ASPM: variants seen among roughly 807,000 people sequenced by gnomAD.
The protein encoded by ASPM is abnormal spindle-like microcephaly-associated protein.
ASPM carries 256 observed loss-of-function variants against 366.4 expected under a neutral mutation model. The ratio of observed to expected loss-of-function variants is 0.70; its 90% confidence interval spans 0.63 to 0.77. ASPM has a LOEUF of 0.77. Among genes scored for constraint, ASPM ranks in the 30% least tolerant of loss-of-function variants. The probability of loss-of-function intolerance (pLI) is 0.00; values close to 1 mark genes in which losing one functional copy is unlikely to be tolerated. For synonymous variants in ASPM, 1,414 were observed against 1,342.9 expected, an observed-to-expected ratio of 1.05 and a Z score of -1.16; for missense variants, 4,146 against 4,090.4, an observed-to-expected ratio of 1.01 and a Z score of -0.37.
chr1:197,128,680 G>T lies in ASPM; in HGVS notation c.2761-15C>A. 1.3e-6 allele frequency: 2 copies of T among 1,580,144 alleles called. No individual in the cohort carries two copies. The highest frequency in any genetic ancestry group is 1.7e-6 in the Non-Finnish European group (2 of 1,153,730). On this transcript the variant is annotated splice_polypyrimidine_tract_variant and intron_variant, in intron 9 of 27. Coordinates refer to ENST00000367409, the MANE Select transcript of ASPM (RefSeq NM_018136.5). ...TCTTTACTAGCCTATAAAGAAATAAGTTCCAGATATTATATTCCAATATTA... is the reference window on the plus strand; with the variant it reads ...TCTTTACTAGCCTATAAAGAAATAATTTCCAGATATTATATTCCAATATTA...
chr1:197,106,868 C>T (rs888143610), intron 17 of ASPM, among the ~76,000 whole-genome samples: 1 of 152,094 alleles, frequency 6.6e-6, no homozygotes, highest in African/African-American at 2.4e-5. Context: ...TTAGGATCTA[C>T]ATTATTACAC....
At position 197,111,845 on chromosome 1, in the gene ASPM, C is replaced by T. The variant is rs118076793; in HGVS notation, c.4065+5944G>A. On this transcript the variant is annotated intron_variant, in intron 17 of 27. Transcript: ENST00000367409. ...CTCACATCAATCATAATGGCTATTA[C>T]TAAAAAGTCAAAAAGTCAGATGCTG... Among the ~76,000 whole-genome samples, 105 of 152,052 alleles carry T rather than the reference C, an allele frequency of 6.9e-4. 1 individual carries two copies. In the East Asian group the frequency reaches 0.02, roughly 29 times the overall value.
At position 197,087,402 on chromosome 1, in the gene ASPM, A is replaced by T. The variant is rs143472412; in HGVS notation, c.10162-430T>A. On this transcript the variant is annotated intron_variant, in intron 26 of 27. Coordinates refer to ENST00000367409, the MANE Select transcript of ASPM (RefSeq NM_018136.5). ...GCAGTAAACTTTTAAGCTTTGAATA[A>T]TCAAAGAAACCTCACCAAGTTTGGC... Among the ~76,000 whole-genome samples, 560 of 152,272 alleles carry T rather than the reference A, an allele frequency of 3.7e-3. 3 individuals are homozygous for T. The highest frequency in any genetic ancestry group is 0.013 in the African/African-American group (530 of 41,564).
chr1:197,088,485 A>G (rs1269804856), intron 25 of ASPM, 53 bp from the exon 26 acceptor site: 3 of 1,512,748 alleles, frequency 2.0e-6, no homozygotes, highest in African/African-American at 2.8e-5. Context: ...TACATTTACA[A>G]ACAACCCAAC....
intron 6 of ASPM, among the ~76,000 whole-genome samples, chr1:197,132,939 A>G (rs192484854): frequency 1.3e-5 from 2 of 152,224 alleles, no homozygotes; most frequent in African/African-American, 2.4e-5. Context: ...AATTTATAGA[A>G]GCACAGAGAA....
At position 197,139,319 on chromosome 1, in the gene ASPM, G is replaced by A. The variant is rs149419769; in HGVS notation, c.2026+448C>T. ...AGGATAACAGCCCATGTTTTTGGCC[G>A]GGCGCGGTGGCTCACGCCTGAAATC... On this transcript the variant is annotated intron_variant, in intron 4 of 27. Coordinates refer to ENST00000367409, the MANE Select transcript of ASPM (RefSeq NM_018136.5). The A allele has an allele frequency of 2.3e-3, 1,719 of 748,204 alleles. 24 individuals are homozygous for A. The African/African-American group carries it at 0.027, about 12-fold the overall frequency. The allele number at this position is 748,204 out of a possible 1,614,324, so 46.3% of individuals were successfully genotyped here.
rs199422131 is a variant in ASPM, at chr1:197,146,360, GC to G, written c.77del (p.Gly26AlafsTer42). On this transcript the variant is annotated frameshift_variant, in exon 1 of 28. Coordinates refer to ENST00000367409, the MANE Select transcript of ASPM (RefSeq NM_018136.5). LOFTEE classifies it high-confidence loss of function. Reference sequence around the variant, plus strand: ...AAGACGCCTCCTCCTCGGCCGCGGGGCCCCGCAGCCCCGCGGGCGGCCTCCG... The same window carrying G: ...AAGACGCCTCCTCCTCGGCCGCGGGGCCCGCAGCCCCGCGGGCGGCCTCCG... ...TERRPPAGLR[G>X]PAAEEEASSP... 12 of 1,607,952 alleles carry G rather than the reference GC, an allele frequency of 7.5e-6. No homozygotes were observed. Among genetic ancestry groups the G allele is most frequent in the Admixed American group, 1.7e-5 (1 of 59,586 alleles).
Position 197,132,354 on chromosome 1 carries a change from T to A in ASPM, c.2420-2A>T, listed in dbSNP as rs1557960450. ...AATTCAGGACTTTCTGACGTTCTCC[T>A]GAAATGCATGTCAAAGGCAAATAAG... On this transcript the variant is annotated splice_acceptor_variant, in intron 6 of 27. Transcript: ENST00000367409. LOFTEE classifies it high-confidence loss of function. 6.2e-7 allele frequency: 1 copy of A among 1,612,932 alleles called. No individual in the cohort carries two copies. The highest frequency in any genetic ancestry group is 8.5e-7 in the Non-Finnish European group (1 of 1,179,256).
chr1:197,101,775 C>A lies in ASPM; in HGVS notation c.7476G>T (p.Arg2492Ser). The A allele has an allele frequency of 6.2e-7, 1 of 1,612,584 alleles. No individual in the cohort carries two copies. Among genetic ancestry groups the A allele is most frequent in the Non-Finnish European group, 8.5e-7 (1 of 1,179,252 alleles). The change falls in exon 18 of 28, where the codon AGG (arginine) becomes AGT (serine). Residue 2492 changes from arginine (R) to serine (S), a missense_variant. Arg to Ser is a moderately radical substitution (Grantham distance 110). Around this residue, in one of 3 missense-constraint regions of ASPM, gnomAD observed 3,624 missense variants for 3,591.7 expected, o/e 1.01. Transcript: ENST00000367409. ...GAAATGTAATATATGTTCTGTACAT[C>A]CTGAAAGTAGCCTGAATGAGAACTG... The part of the protein sequence containing the change: ...RAAVLIQATF[R>S]MYRTYITFQT...
At chr1:197,122,638 G>T (rs1181953936) in intron 13 of ASPM, 43 bp from the exon 14 acceptor site, 1 of 1,497,774 alleles carries the variant, frequency 6.7e-7, no homozygotes, top group African/African-American at 1.4e-5. Flanking sequence ...CATTTAGAAA[G>T]TAGTATAGAC....
chr1:197,092,578 A>C (rs1377616961), intron 21 of ASPM, among the ~76,000 whole-genome samples: 3 of 151,938 alleles, frequency 2.0e-5, no homozygotes, highest in Non-Finnish European at 4.4e-5. Flanking sequence ...ACTTCAAATC[A>C]AATTGTTTTG....
intron 7 of ASPM, among the ~76,000 whole-genome samples, chr1:197,131,643 C>T (rs1658257602): frequency 6.6e-6 from 1 of 151,104 alleles, no homozygotes; most frequent in Non-Finnish European, 1.5e-5. Context: ...ACTGCAAGCT[C>T]CACCTCCCGG....
chr1:197,124,407 A>G, intron 12 of ASPM, 76 bp from the exon 13 acceptor site: 1 of 1,058,138 alleles, frequency 9.5e-7, no homozygotes, highest in Non-Finnish European at 1.4e-6. Flanking sequence ...AATCAAAGTA[A>G]CTGTCTTCTA....
chr1:197,145,523 T>C (rs918150099), intron 1 of ASPM, among the ~76,000 whole-genome samples: 4 of 151,822 alleles, frequency 2.6e-5, no homozygotes, highest in Non-Finnish European at 5.9e-5. Context: ...GCTCACTATT[T>C]CACCGGAAAA....
intron 16 of ASPM, among the ~76,000 whole-genome samples, chr1:197,119,230 G>T (rs1478600045): frequency 6.6e-6 from 1 of 152,140 alleles, no homozygotes; most frequent in Non-Finnish European, 1.5e-5. Context: ...GGGGAATTAT[G>T]TATATAACAA....
intron 4 of ASPM, chr1:197,138,778 A>G: frequency 1.4e-6 from 1 of 734,102 alleles, no homozygotes; most frequent in South Asian, 1.4e-5. Flanking sequence ...CTTTCTTTGT[A>G]TTGGTGCTCA....
chr1:197,103,420 T>G lies in ASPM; in HGVS notation c.5831A>C (p.Tyr1944Ser), dbSNP rs1657274202. The change falls in exon 18 of 28, where the codon TAT (tyrosine) becomes TCT (serine). Residue 1944 changes from tyrosine to serine, a missense_variant. By Grantham distance (144) the Tyr-to-Ser change is moderately radical. Transcript: ENST00000367409. Reference protein sequence around the residue: ...WTAGRKQCMEYIELRHAVLVL... With the variant: ...WTAGRKQCMESIELRHAVLVL... ...CAGTACCGCATGACGGAGTTCAATA[T>G]ACTCCATACATTGCTTCCTTCCTGC... 20 of 1,613,208 alleles carry G rather than the reference T, an allele frequency of 1.2e-5. No homozygotes were observed. The highest frequency in any genetic ancestry group is 1.7e-5 in the Non-Finnish European group (20 of 1,179,434).
At position 197,142,673 on chromosome 1, in the gene ASPM, C is replaced by T. The variant is rs376058344; in HGVS notation, c.1579G>A (p.Glu527Lys). The change falls in exon 3 of 28, where the codon GAA (glutamate) becomes AAA (lysine). Residue 527 changes from glutamate to lysine, a missense_variant. Glu to Lys is a moderately conservative substitution (Grantham distance 56, BLOSUM62 1). Around this residue, in one of 3 missense-constraint regions of ASPM, gnomAD observed 3,624 missense variants for 3,591.7 expected, o/e 1.01. Coordinates refer to ENST00000367409, the MANE Select transcript of ASPM (RefSeq NM_018136.5). ...TGATTATTTATTACTTTTTCATGTT[C>T]ACCCACTGCACTGTTGAGACATCTT... ...AKRCLNSAVG[E>K]HEKVINNQKE... 2 of 1,613,192 alleles carry T rather than the reference C, an allele frequency of 1.2e-6. No individual in the cohort carries two copies. The highest frequency in any genetic ancestry group is 1.1e-5 in the South Asian group (1 of 90,904).
At chr1:197,116,404 G>C (rs1657737748) in intron 17 of ASPM, among the ~76,000 whole-genome samples, 1 of 152,102 alleles carries the variant, frequency 6.6e-6, no homozygotes. Context: ...GAAAAAGTTT[G>C]AAATATTTTG....
Sources: allele counts gnomAD v4.1 joint callset (sites outside exome capture counted in the v4.1 genomes callset), GRCh38; gene constraint gnomAD v4.1.1; regional missense constraint gnomAD v4.1.1; transcripts MANE v1.5; gene names NCBI Gene and HGNC (gene_info 2026-07-23, HGNC 2026-07-21).